The following TCF7L2 variants were observed in gnomAD, a reference collection of about 807,000 sequenced individuals.
TCF7L2 encodes the protein transcription factor 7 like 2.
A neutral mutation model predicts 77.9 loss-of-function variants in TCF7L2; 23 were observed. The observed-to-expected ratio is 0.30, with a 90% CI of 0.21 to 0.42. The LOEUF (loss-of-function observed/expected upper bound fraction) is 0.42, where lower values mean the gene tolerates loss of function less well. TCF7L2 is among the 10% of genes least tolerant of loss of function. The pLI, the probability that TCF7L2 is intolerant of heterozygous loss-of-function variation, is 1.00. For synonymous variants in TCF7L2, 413 were observed against 340.2 expected (o/e 1.21, Z -2.36); for missense variants, 654 against 793.1 (o/e 0.82, Z 2.11).
intron 5 of TCF7L2, among the ~76,000 whole-genome samples, chr10:113,105,997 T>G (rs1412372880): frequency 6.6e-6 from 1 of 152,192 alleles, no homozygotes; most frequent in African/African-American, 2.4e-5. Context: ...GGTAAGGAGA[T>G]AGTAAGAAGA....
chr10:113,160,666 C>A lies in TCF7L2; in HGVS notation c.1366C>A (p.Gln456Lys), dbSNP rs1159488424. 2 of 1,596,186 alleles carry A rather than the reference C, an allele frequency of 1.3e-6. No homozygotes were observed. The highest frequency in any genetic ancestry group is 3.5e-5 in the Admixed American group (2 of 57,140). ...TCGGGCACTGTTCGGGCTTGACCGA[C>A]AGACTTTATGGTGCAAACCGTGCAG... Residue 456 changes from glutamine to lysine, a missense_variant, in exon 13 of 14, where the codon CAG becomes AAG. Physicochemically the swap from Gln to Lys is moderately conservative, Grantham distance 53. Around this residue, in one of 6 missense-constraint regions of TCF7L2, gnomAD observed 272 missense variants for 215.4 expected, o/e 1.26. Coordinates refer to ENST00000627217, the MANE Select transcript of TCF7L2 (RefSeq NM_001146274.2).
At position 113,151,901 on chromosome 10, in the gene TCF7L2, T is replaced by C. The variant is rs775719867; in HGVS notation, c.1161+17T>C. 8.2e-6 allele frequency: 13 copies of C among 1,586,982 alleles called. No homozygotes were observed. In the East Asian group the frequency reaches 2.9e-4, roughly 36 times the overall value. Reference sequence around the variant, plus strand: ...GGGCGGAGGGTAGGTGACGCCCTTCTCAGGGAGAAGCGGGGGGCGGGTGGT... The same window carrying C: ...GGGCGGAGGGTAGGTGACGCCCTTCCCAGGGAGAAGCGGGGGGCGGGTGGT... On this transcript the variant is annotated intron_variant, in intron 10 of 13. Transcript: ENST00000627217. The surrounding 1 kb of genome is among the most constrained non-coding windows in gnomAD (Gnocchi z 5.2).
chr10:113,138,937 G>A (rs2067862916), intron 5 of TCF7L2, among the ~76,000 whole-genome samples: 1 of 152,114 alleles, frequency 6.6e-6, no homozygotes, highest in Non-Finnish European at 1.5e-5. Flanking sequence ...TTGACTAGGG[G>A]CTGACTGCTG....
Position 113,030,291 on chromosome 10 carries a change from C to T in TCF7L2, c.451-9734C>T, listed in dbSNP as rs145922540. ...ATAGTATTCCATTTTATGGCTGTAC[C>T]GCATTTTAGTTATCCAGCTATCGGT... is the stretch of plus-strand genomic sequence containing the variant. On this transcript the variant is annotated intron_variant, in intron 4 of 13. Transcript: ENST00000627217. Among the ~76,000 whole-genome samples, 6 of 152,214 alleles carry T rather than the reference C, an allele frequency of 3.9e-5. No homozygotes were observed. In the South Asian group the frequency reaches 1.0e-3, roughly 26 times the overall value.
chr10:113,149,107 C>T (rs1173159228), intron 8 of TCF7L2, among the ~76,000 whole-genome samples: 2 of 152,192 alleles, frequency 1.3e-5, no homozygotes, highest in Non-Finnish European at 2.9e-5. Flanking sequence ...AGCTGCCACC[C>T]ACCACTTCAC....
In TCF7L2 at chr10:113,079,760, C is replaced by T. The variant is rs576786676; in HGVS notation, c.552+39634C>T. 3.9e-5 allele frequency among the ~76,000 whole-genome samples: 6 copies of T among 152,054 alleles called. No individual in the cohort carries two copies. The South Asian group carries it at 8.3e-4, about 21-fold the overall frequency. On this transcript the variant is annotated intron_variant, in intron 5 of 13. Coordinates refer to ENST00000627217, the MANE Select transcript of TCF7L2 (RefSeq NM_001146274.2). Reference sequence around the variant, plus strand: ...GCAACCTCTGCCTCTCGGGTACAAGCGATTTTCGTGCCTCAGTTACCCAAG... The same window carrying T: ...GCAACCTCTGCCTCTCGGGTACAAGTGATTTTCGTGCCTCAGTTACCCAAG...
intron 3 of TCF7L2, among the ~76,000 whole-genome samples, chr10:112,955,395 A>G (rs2033273909): frequency 6.6e-6 from 1 of 152,194 alleles, no homozygotes; most frequent in Non-Finnish European, 1.5e-5. Flanking sequence ...TGTCTGCAGT[A>G]TGGATTATAG....
chr10:113,151,750 G>A lies in TCF7L2; in HGVS notation c.1027G>A (p.Glu343Lys), dbSNP rs2137152111. Reference sequence around the variant, plus strand: ...AAAGCATCAGGACTCCAAAAAGGAAGAAGAAAAGAAGAAGCCCCACATAAA... The same window carrying A: ...AAAGCATCAGGACTCCAAAAAGGAAAAAGAAAAGAAGAAGCCCCACATAAA... The change falls in exon 10 of 14, where the codon GAA becomes AAA. Residue 343 changes from glutamate (E) to lysine (K), a missense_variant. Glu to Lys is a moderately conservative substitution (Grantham distance 56). Around this residue, in one of 6 missense-constraint regions of TCF7L2, gnomAD observed 179 missense variants for 270.6 expected, o/e 0.66. Transcript: ENST00000627217. This position sits in a 1 kb window ranked among gnomAD's most constrained non-coding sequence, Gnocchi z 5.2. 6.2e-7 allele frequency: 1 copy of A among 1,603,652 alleles called. No individual in the cohort carries two copies. The highest frequency in any genetic ancestry group is 8.5e-7 in the Non-Finnish European group (1 of 1,177,568).
intron 4 of TCF7L2, among the ~76,000 whole-genome samples, chr10:112,977,064 G>A (rs2039554052): frequency 6.6e-6 from 1 of 151,944 alleles, no homozygotes; most frequent in Admixed American, 6.6e-5. Flanking sequence ...CATTCCTGCA[G>A]GGGACTTCAA....
At chr10:113,019,453 C>T (rs2047925335) in intron 4 of TCF7L2, among the ~76,000 whole-genome samples, 1 of 152,052 alleles carries the variant, frequency 6.6e-6, no homozygotes, top group Non-Finnish European at 1.5e-5. Context: ...TGGGCTTTGC[C>T]CTTTTTGGTC....
chr10:112,999,092 C>T (rs765894222), intron 4 of TCF7L2, among the ~76,000 whole-genome samples: 6 of 152,266 alleles, frequency 3.9e-5, no homozygotes, highest in Non-Finnish European at 7.3e-5. Context: ...TCATAGCCCA[C>T]TGCAGCCTCC....
intron 5 of TCF7L2, among the ~76,000 whole-genome samples, chr10:113,107,774 A>AC (rs1555069801): frequency 2.0e-5 from 3 of 149,798 alleles, no homozygotes; most frequent in Admixed American, 6.8e-5. Flanking sequence ...AAAAAAAAAA[A>AC]AACAACAAAA....
At chr10:113,029,126 T>A (rs150155717) in intron 4 of TCF7L2, among the ~76,000 whole-genome samples, 2 of 152,052 alleles carry the variant, frequency 1.3e-5, no homozygotes, top group African/African-American at 2.4e-5. Context: ...TCATGCCTAC[T>A]TTTTTTTAGG....
In TCF7L2 at chr10:113,166,275, C is replaced by A. The variant is rs1032483486; in HGVS notation, c.*303C>A. ...ATATATACATAACTGTTATGTAGTT[C>A]GGATAGCTTAGTTTTAAAAGACTGA... On this transcript the variant is annotated 3_prime_UTR_variant, in exon 14 of 14. Transcript: ENST00000627217. The A allele has an allele frequency of 5.9e-5, 16 of 271,106 alleles. No homozygotes were observed. Among genetic ancestry groups the A allele is most frequent in the Non-Finnish European group, 1.1e-4 (16 of 145,488 alleles). 16.8% of individuals were successfully genotyped at this position (271,106 alleles called of 1,614,324 possible). A position where few individuals can be genotyped will look rare whatever the true frequency, so the allele number is the denominator to read the frequency against.
intron 11 of TCF7L2, among the ~76,000 whole-genome samples, chr10:113,153,170 T>C (rs1207268844): frequency 3.3e-5 from 5 of 152,242 alleles, no homozygotes; most frequent in Admixed American, 1.3e-4. Flanking sequence ...TTTTTACTAA[T>C]TGCAGTGGTT....
intron 5 of TCF7L2, among the ~76,000 whole-genome samples, chr10:113,131,549 T>A (rs1207283887): frequency 6.6e-6 from 1 of 152,214 alleles, no homozygotes; most frequent in Non-Finnish European, 1.5e-5. Context: ...TTAATAGTGG[T>A]CCTGTTGGCT....
At chr10:113,016,955 A>C (rs1411376951) in intron 4 of TCF7L2, among the ~76,000 whole-genome samples, 1 of 152,076 alleles carries the variant, frequency 6.6e-6, no homozygotes, top group Non-Finnish European at 1.5e-5. Context: ...GAGGCTCAGA[A>C]ACCCAGAGGA....
At chr10:113,126,821 C>A in intron 5 of TCF7L2, 2 of 986,930 alleles carry the variant, frequency 2.0e-6, no homozygotes, top group Non-Finnish European at 2.4e-6. Flanking sequence ...AGCATCTGGG[C>A]GCAGGCAGCA....
At chr10:113,052,690 A>G (rs554101867) in intron 5 of TCF7L2, among the ~76,000 whole-genome samples, 5 of 152,250 alleles carry the variant, frequency 3.3e-5, no homozygotes, top group East Asian at 1.9e-4. Flanking sequence ...TGACCCATGT[A>G]TCTTGAGGAC....
Sources: gnomAD v4.1 joint callset for allele counts (sites outside exome capture counted in the v4.1 genomes callset) on GRCh38, gnomAD v4.1.1 for gene constraint, gnomAD v4.1.1 regional missense constraint, Gnocchi (gnomAD v3.1) non-coding constraint, MANE v1.5 for transcripts, NCBI Gene and HGNC (gene_info 2026-07-23, HGNC 2026-07-21) for gene names.